Variants in MLXIP observed in about 807,000 individuals in gnomAD.
MLXIP encodes the protein MLX-interacting protein.
In MLXIP, 30 loss-of-function variants were observed where a neutral mutation model predicts 87.2. The ratio of observed to expected loss-of-function variants is 0.34; its 90% confidence interval spans 0.26 to 0.47. MLXIP has a LOEUF of 0.47. Ranked by LOEUF, MLXIP falls within the 20% of genes least tolerant of loss-of-function variation. The pLI is 1.00. For missense variants in MLXIP, 1,002 were observed against 1,240.1 expected, an observed-to-expected ratio of 0.81 and a Z score of 2.88; for synonymous variants, 530 against 514.0, an observed-to-expected ratio of 1.03 and a Z score of -0.42.
At chr12:122,099,695 A>G (rs938871445) in intron 1 of MLXIP, among the ~76,000 whole-genome samples, 1 of 152,240 alleles carries the variant, frequency 6.6e-6, no homozygotes, top group Admixed American at 6.5e-5. Context: ...TGGCTTTCTG[A>G]TGCCAACTTA....
At chr12:122,093,603 G>C (rs1952285445) in intron 1 of MLXIP, among the ~76,000 whole-genome samples, 1 of 139,366 alleles carries the variant, frequency 7.2e-6, no homozygotes, top group Non-Finnish European at 1.6e-5. Flanking sequence ...TATGGTGTGT[G>C]TTTGTGGTGT....
intron 1 of MLXIP, among the ~76,000 whole-genome samples, chr12:122,080,099 C>T (rs1256278364): frequency 6.6e-6 from 1 of 152,222 alleles, no homozygotes; most frequent in Admixed American, 6.5e-5. Flanking sequence ...ATGCCTGGCC[C>T]TCAAAGATTA....
rs78122350 is a variant in MLXIP at position 122,080,345 on chromosome 12, A to G, written c.413+1079A>G. On this transcript the variant is annotated intron_variant, in intron 1 of 16. Transcript: ENST00000319080. ...GGAGGCATCGCGGGAGAAGTTTCCTAGGAGACTCCATAAACAGCGTAATAA... is the reference window on the plus strand; with the variant it reads ...GGAGGCATCGCGGGAGAAGTTTCCTGGGAGACTCCATAAACAGCGTAATAA... 6.5e-4 allele frequency among the ~76,000 whole-genome samples: 99 copies of G among 152,254 alleles called. No homozygotes were observed. The East Asian group carries it at 0.013, about 21-fold the overall frequency.
intron 1 of MLXIP, among the ~76,000 whole-genome samples, chr12:122,082,373 A>G (rs1215177238): frequency 6.6e-6 from 1 of 152,046 alleles, no homozygotes. Context: ...AAAAATCCTT[A>G]TTTTTCCTTA....
Position 122,133,416 on chromosome 12 carries a change from C to G in MLXIP, c.1161C>G (p.Thr387=). The stretch of plus-strand genomic sequence containing the variant: ...CTGACAGCCTCATCGCGCCCCCTAC[C>G]GCCCCATCCCTGGCTCACATGGATG... ...SLPDSLIAPP[T]APSLAHMDEQ... The change falls in exon 9 of 17, where the codon ACC becomes ACG. Residue 387 remains threonine (T), a synonymous_variant. Coordinates refer to ENST00000319080, the MANE Select transcript of MLXIP (RefSeq NM_014938.6). This position sits in a 1 kb window ranked among gnomAD's most constrained non-coding sequence, Gnocchi z 4.9. 6.2e-7 allele frequency: 1 copy of G among 1,610,930 alleles called. No individual in the cohort carries two copies. Among genetic ancestry groups the G allele is most frequent in the African/African-American group, 1.3e-5 (1 of 74,960 alleles).
At chr12:122,095,200 GGTGTGTTGGTGT>G (rs1952334006) in intron 1 of MLXIP, among the ~76,000 whole-genome samples, 1 of 145,012 alleles carries the variant, frequency 6.9e-6, no homozygotes, top group African/African-American at 2.5e-5. Flanking sequence ...TGTGGTGTGT[GGTGTGTTGGTGT>G]GTGTGTTGGT....
At chr12:122,092,401 G>A (rs1405437215) in intron 1 of MLXIP, among the ~76,000 whole-genome samples, 1 of 152,092 alleles carries the variant, frequency 6.6e-6, no homozygotes, top group Non-Finnish European at 1.5e-5. Context: ...GCCCAGTCAA[G>A]GTAGTTTTTT....
chr12:122,115,543 G>A (rs1177108959), intron 1 of MLXIP, among the ~76,000 whole-genome samples: 4 of 126,290 alleles, frequency 3.2e-5, no homozygotes, highest in Non-Finnish European at 6.2e-5. Context: ...AGTGAAGATC[G>A]CACCATTGCA....
intron 1 of MLXIP, among the ~76,000 whole-genome samples, chr12:122,106,528 A>G (rs1952522549): frequency 1.3e-5 from 2 of 151,184 alleles, no homozygotes; most frequent in Admixed American, 1.3e-4. Context: ...CCTGGCCTGC[A>G]GAGGGTTTCT....
rs547168384 is a variant in MLXIP, at chr12:122,111,801, T to G, written c.414-15455T>G. Among the ~76,000 whole-genome samples, 267 of 152,330 alleles carry G rather than the reference T, an allele frequency of 1.8e-3. 2 individuals carry two copies. The highest frequency in any genetic ancestry group is 2.9e-3 in the Non-Finnish European group (194 of 68,038). ...ATGAAGCAAATTATAGCAAACCAGATAGCTTTGGATTTCTCTTTTTAAGTA... is the reference window on the plus strand; with the variant it reads ...ATGAAGCAAATTATAGCAAACCAGAGAGCTTTGGATTTCTCTTTTTAAGTA... On this transcript the variant is annotated intron_variant, in intron 1 of 16. Coordinates refer to ENST00000319080, the MANE Select transcript of MLXIP (RefSeq NM_014938.6).
intron 6 of MLXIP, 114 bp downstream of exon 6, chr12:122,130,226 T>G: frequency 2.3e-4 from 260 of 1,109,308 alleles, no homozygotes; most frequent in Non-Finnish European, 3.0e-4. Flanking sequence ...ACGTCACGGT[T>G]GGGGGCAGGC....
chr12:122,101,871 G>A (rs967734380), intron 1 of MLXIP, among the ~76,000 whole-genome samples: 15 of 152,116 alleles, frequency 9.9e-5, no homozygotes, highest in Admixed American at 1.3e-4. Flanking sequence ...GAGCCACCGC[G>A]CCCGGCCTTC....
rs754660891 is a variant in MLXIP at position 122,127,209 on chromosome 12, A to G, written c.414-47A>G. 6.8e-6 allele frequency: 10 copies of G among 1,468,282 alleles called. No individual in the cohort carries two copies. In the South Asian group the frequency reaches 1.2e-4, roughly 17 times the overall value. The allele number at this position is 1,468,282 out of a possible 1,614,324, so 91.0% of individuals were successfully genotyped here. On this transcript the variant is annotated intron_variant, in intron 1 of 16. Transcript: ENST00000319080. Reference sequence around the variant, plus strand: ...GGGTGGCACTTTGTAATTTCACTTCAATTTCAGAGTAACCACTGAGTCTCC... The same window carrying G: ...GGGTGGCACTTTGTAATTTCACTTCGATTTCAGAGTAACCACTGAGTCTCC...
chr12:122,112,003 A>G (rs1593085205), intron 1 of MLXIP, among the ~76,000 whole-genome samples: 1 of 152,200 alleles, frequency 6.6e-6, no homozygotes, highest in African/African-American at 2.4e-5. Flanking sequence ...ACATGGTCAT[A>G]AAGTTCACTT....
At position 122,130,822 on chromosome 12, in the gene MLXIP, CCT is replaced by C; in HGVS notation, c.911-15_911-14del. On this transcript the variant is annotated intron_variant, in intron 6 of 16. Coordinates refer to ENST00000319080, the MANE Select transcript of MLXIP (RefSeq NM_014938.6). ...CATTGTCTGAGAAGACAAAATGGTT[CCT>C]CTCTCTGTGATTCTTGCAGCACATC... 1.9e-6 allele frequency: 3 copies of C among 1,570,840 alleles called. No individual in the cohort carries two copies. Among genetic ancestry groups the C allele is most frequent in the Non-Finnish European group, 2.6e-6 (3 of 1,140,814 alleles).
intron 1 of MLXIP, among the ~76,000 whole-genome samples, chr12:122,102,462 A>C (rs1952451980): frequency 6.6e-6 from 1 of 152,160 alleles, no homozygotes; most frequent in Non-Finnish European, 1.5e-5. Flanking sequence ...TGCTGGTGGG[A>C]ATGTACAATG....
chr12:122,084,028 C>G (rs1184301286), intron 1 of MLXIP, among the ~76,000 whole-genome samples: 4 of 152,176 alleles, frequency 2.6e-5, no homozygotes, highest in African/African-American at 9.7e-5. Flanking sequence ...AACACAGTCT[C>G]TCTCCTCAAG....
chr12:122,127,410 C>G, intron 2 of MLXIP, 48 bp downstream of exon 2: 1 of 1,368,252 alleles, frequency 7.3e-7, no homozygotes, highest in East Asian at 2.4e-5. Context: ...AACTTCACGG[C>G]CTGGAGGCCT....
At chr12:122,107,949 G>A (rs1952546445) in intron 1 of MLXIP, among the ~76,000 whole-genome samples, 1 of 152,182 alleles carries the variant, frequency 6.6e-6, no homozygotes, top group South Asian at 2.1e-4. Context: ...CTGGCCGGCG[G>A]TGACTAGGTG....
Sources: allele counts gnomAD v4.1 joint callset (sites outside exome capture counted in the v4.1 genomes callset), GRCh38; gene constraint gnomAD v4.1.1; non-coding constraint Gnocchi (gnomAD v3.1); transcripts MANE v1.5; gene names NCBI Gene and HGNC (gene_info 2026-07-23, HGNC 2026-07-21).